The following STAU1 variants were observed in gnomAD, a reference collection of about 807,000 sequenced individuals.
The protein encoded by STAU1 is double-stranded RNA-binding protein Staufen homolog 1.
A neutral mutation model predicts 62.9 loss-of-function variants in STAU1; 13 were observed. The ratio of observed to expected loss-of-function variants is 0.21; its 90% CI spans 0.13 to 0.33. The LOEUF (loss-of-function observed/expected upper bound fraction) is 0.33, where lower values mean the gene tolerates loss of function less well. STAU1 is among the 10% of genes least tolerant of loss of function. STAU1 has a pLI of 1.00. For missense variants in STAU1, 571 were observed against 712.1 expected (o/e 0.80, Z 2.25); for synonymous variants, 269 against 265.1 (o/e 1.01, Z -0.14).
the STAU1 span, among the ~76,000 whole-genome samples, chr20:49,205,672 C>T: frequency 2.8e-5 from 4 of 142,290 alleles, no homozygotes; most frequent in South Asian, 8.9e-4. Context: ...CCAAAGTTAG[C>T]TTTCTTTTTT....
chr20:49,124,486 T>C lies in STAU1; in HGVS notation c.711A>G (p.Ser237=). ...GEGEGKSKKI[S]KKNAAIAVLE... ...GAACAGCTATGGCGGCATTTTTCTT[T>C]GAAATCTTCTTGCTTTTCCCTTCAC... Residue 237 remains serine (S), a synonymous_variant, in exon 7 of 14, where the codon TCA becomes TCG. Transcript: ENST00000371856. 2 of 1,614,186 alleles carry C rather than the reference T, an allele frequency of 1.2e-6. No homozygotes were observed.
At chr20:49,124,665 C>G (rs1212947666) in intron 6 of STAU1, 78 bp from the exon 7 acceptor site, 1 of 1,450,096 alleles carries the variant, frequency 6.9e-7, no homozygotes, top group South Asian at 1.1e-5. Context: ...TGGCACACTT[C>G]ACACAGACAC....
upstream of STAU1, among the ~76,000 whole-genome samples, chr20:49,191,819 G>A (rs1434603357): frequency 6.6e-6 from 1 of 152,140 alleles, no homozygotes; most frequent in African/African-American, 2.4e-5. Context: ...GGGAGGCCAA[G>A]GCAGGCGGAT....
chr20:49,138,625 C>G (rs35649484), intron 5 of STAU1, among the ~76,000 whole-genome samples: 2 of 151,904 alleles, frequency 1.3e-5, no homozygotes, highest in Admixed American at 6.6e-5. Context: ...TCTCACCCTC[C>G]TGAGTAGCTG....
intron 6 of STAU1, among the ~76,000 whole-genome samples, chr20:49,130,592 A>T (rs1291342541): frequency 1.3e-5 from 2 of 152,038 alleles, no homozygotes; most frequent in African/African-American, 2.4e-5. Flanking sequence ...CTTTGGGTTT[A>T]AAAAAAAGCA....
the STAU1 span, among the ~76,000 whole-genome samples, chr20:49,203,196 G>A: frequency 2.9e-4 from 44 of 152,030 alleles, no homozygotes; most frequent in Non-Finnish European, 4.7e-4. Context: ...AGCCCGAGGC[G>A]GGCAGATCAC....
intron 3 of STAU1, among the ~76,000 whole-genome samples, chr20:49,159,598 T>C (rs2093419031): frequency 6.6e-6 from 1 of 152,232 alleles, no homozygotes; most frequent in African/African-American, 2.4e-5. Flanking sequence ...TCTCACTCTG[T>C]CACCCAGGCT....
chr20:49,210,533 G>A, the STAU1 span: 2 of 455,528 alleles, frequency 4.4e-6, no homozygotes, highest in South Asian at 1.5e-5. Flanking sequence ...TACATCACTA[G>A]GTTTTCAAAC....
chr20:49,197,605 T>G, the STAU1 span, among the ~76,000 whole-genome samples: 1 of 152,040 alleles, frequency 6.6e-6, no homozygotes, highest in Non-Finnish European at 1.5e-5. Context: ...TTTTGCCATG[T>G]TGCCCAGGCT....
chr20:49,174,777 T>C lies in STAU1; in HGVS notation c.-159-508A>G, dbSNP rs550503608. On this transcript the variant is annotated intron_variant, in intron 1 of 13. Transcript: ENST00000371856. ...ACGGTGAAACTCCGTCTCTACTAAA[T>C]GTACAAAAAATTAGCCAGGCGTGAT... 3.3e-3 allele frequency among the ~76,000 whole-genome samples: 504 copies of C among 151,972 alleles called. 3 individuals are homozygous for C. Among genetic ancestry groups the C allele is most frequent in the African/African-American group, 0.011 (467 of 41,468 alleles).
At chr20:49,142,540 G>A (rs1020137091) in intron 5 of STAU1, among the ~76,000 whole-genome samples, 1 of 152,162 alleles carries the variant, frequency 6.6e-6, no homozygotes, top group Non-Finnish European at 1.5e-5. Flanking sequence ...AACCACAGCA[G>A]CACTACAATC....
At chr20:49,177,372 T>C (rs2093672835) in intron 1 of STAU1, among the ~76,000 whole-genome samples, 1 of 151,772 alleles carries the variant, frequency 6.6e-6, no homozygotes. Context: ...CCTGTCTCTA[T>C]TAAAATAAAA....
chr20:49,153,251 G>GAAAA (rs71184266), intron 4 of STAU1, among the ~76,000 whole-genome samples: 4 of 99,074 alleles, frequency 4.0e-5, no homozygotes, highest in African/African-American at 1.6e-4. Context: ...CTCCGTCTCA[G>GAAAA]AAAAAAAAAA....
At chr20:49,169,653 G>A (rs348276) in intron 2 of STAU1, among the ~76,000 whole-genome samples, 51,065 of 151,988 alleles carry the variant, frequency 0.34, 9,377 homozygotes, top group African/African-American at 0.5. Context: ...AGTTTGAAAC[G>A]CAAAGATTCT....
the STAU1 span, among the ~76,000 whole-genome samples, chr20:49,214,512 C>T: frequency 1.6e-4 from 10 of 61,756 alleles, no homozygotes; most frequent in African/African-American, 4.4e-4. Flanking sequence ...AGTGAGATTC[C>T]GTCTCAAAAA....
In STAU1 at chr20:49,123,109, T is replaced by A. The variant is rs1471348384; in HGVS notation, c.949A>T (p.Arg317Trp). 1.2e-6 allele frequency: 2 copies of A among 1,607,318 alleles called. No individual in the cohort carries two copies. The highest frequency in any genetic ancestry group is 1.3e-5 in the African/African-American group (1 of 74,662). ...LLTERGLPRR[R>W]EFVMQVKVGN... The stretch of plus-strand genomic sequence containing the variant: ...GGACCCACCTGCATCACAAACTCCC[T>A]GCGGCGCGGGAGGCCTCGCTCTGTG... The change falls in exon 8 of 14, where the codon AGG becomes TGG. Residue 317 changes from arginine to tryptophan, a missense_variant. This residue lies in a region of STAU1 where 414 missense variants were observed against 499.6 expected (regional missense o/e 0.83). Transcript: ENST00000371856.
the STAU1 span, among the ~76,000 whole-genome samples, chr20:49,202,230 A>AAG: frequency 1.5e-5 from 2 of 130,394 alleles, no homozygotes; most frequent in East Asian, 2.2e-4. Flanking sequence ...AAAAAAAAAA[A>AAG]AAAGAAAGAA....
intron 1 of STAU1, among the ~76,000 whole-genome samples, chr20:49,186,137 G>A (rs2093784141): frequency 6.6e-6 from 1 of 152,128 alleles, no homozygotes; most frequent in South Asian, 2.1e-4. Context: ...CACGAGGTTA[G>A]GAGTTCGAGA....
At chr20:49,154,737 G>A (rs35716445) in intron 3 of STAU1, among the ~76,000 whole-genome samples, 58,058 of 150,532 alleles carry the variant, frequency 0.39, 11,197 homozygotes, top group Middle Eastern at 0.48. Flanking sequence ...ATGGTGGCGG[G>A]TGCCTGCAGT....
Sources: gnomAD v4.1 joint callset for allele counts (sites outside exome capture counted in the v4.1 genomes callset) on GRCh38, gnomAD v4.1.1 for gene constraint, gnomAD v4.1.1 regional missense constraint, MANE v1.5 for transcripts, NCBI Gene and HGNC (gene_info 2026-07-23, HGNC 2026-07-21) for gene names.